ZNF493: variants seen among roughly 807,000 people sequenced by gnomAD.
The protein encoded by ZNF493 is zinc finger protein 493.
Under a neutral mutation model 12.2 loss-of-function variants are expected in ZNF493, and 11 were observed. The ratio of observed to expected loss-of-function variants is 0.90; its 90% CI spans 0.57 to 1.50. ZNF493 has a LOEUF of 1.50. Among genes scored for constraint, ZNF493 ranks in the 40% most tolerant of loss-of-function variants. The pLI is 0.00. For synonymous variants in ZNF493, 286 were observed against 302.6 expected, an observed-to-expected ratio of 0.95 and a Z score of 0.57; for missense variants, 950 against 906.6, an observed-to-expected ratio of 1.05 and a Z score of -0.61.
At chr19:21,399,606 A>C (rs1202877893) in intron 1 of ZNF493, among the ~76,000 whole-genome samples, 1 of 152,248 alleles carries the variant, frequency 6.6e-6, no homozygotes, top group African/African-American at 2.4e-5. Context: ...CAAAGGGCAT[A>C]AAAGATTTGG....
At chr19:21,416,364 TC>T (rs772831280) in intron 3 of ZNF493, among the ~76,000 whole-genome samples, 39 of 152,304 alleles carry the variant, frequency 2.6e-4, no homozygotes, top group Non-Finnish European at 4.7e-4. Context: ...ATAAATCTCT[TC>T]CCCATAAATT....
At chr19:21,417,343 G>A (rs2145297213) in intron 3 of ZNF493, among the ~76,000 whole-genome samples, 2 of 152,244 alleles carry the variant, frequency 1.3e-5, no homozygotes, top group South Asian at 4.1e-4. Flanking sequence ...TGCTAGCAGA[G>A]TAGCCTTACG....
intron 3 of ZNF493, among the ~76,000 whole-genome samples, chr19:21,416,681 C>T (rs2030504597): frequency 2.0e-5 from 3 of 152,088 alleles, no homozygotes; most frequent in Non-Finnish European, 4.4e-5. Flanking sequence ...CTTCCAAATC[C>T]TCCTGTTCGT....
At chr19:21,409,259 T>G (rs781767192) in intron 3 of ZNF493, among the ~76,000 whole-genome samples, 1 of 152,194 alleles carries the variant, frequency 6.6e-6, no homozygotes, top group African/African-American at 2.4e-5. Context: ...TGTAAATATT[T>G]TCACCATTTC....
chr19:21,425,539 G>A lies in ZNF493; in HGVS notation c.*555G>A. 1.8e-6 allele frequency: 1 copy of A among 554,174 alleles called. No individual in the cohort carries two copies. Among genetic ancestry groups the A allele is most frequent in the Non-Finnish European group, 3.5e-6 (1 of 286,848 alleles). 34.3% of individuals were successfully genotyped at this position (554,174 alleles called of 1,614,324 possible). Reference sequence around the variant, plus strand: ...AAAACCTACAAATGTGAGGAATGTGGCAAAGCCTTTAGCCTGTCCCTCCAA... The same window carrying A: ...AAAACCTACAAATGTGAGGAATGTGACAAAGCCTTTAGCCTGTCCCTCCAA... On this transcript the variant is annotated 3_prime_UTR_variant, in exon 4 of 4. Transcript: ENST00000392288.
intron 3 of ZNF493, among the ~76,000 whole-genome samples, chr19:21,410,060 G>GTGTATATATATATATATA (rs1491483385): frequency 1.4e-4 from 6 of 43,958 alleles, no homozygotes; most frequent in African/African-American, 4.0e-4. Context: ...TTCATTGTGT[G>GTGTATATATATATATATA]TATATATATA....
intron 1 of ZNF493, among the ~76,000 whole-genome samples, chr19:21,404,342 A>T (rs868793142): frequency 2.6e-5 from 4 of 152,256 alleles, no homozygotes; most frequent in Admixed American, 2.6e-4. Flanking sequence ...GTGCATCAGC[A>T]CATCATAAAC....
chr19:21,410,203 C>CTTCT (rs942594268), intron 3 of ZNF493, among the ~76,000 whole-genome samples: 4 of 151,564 alleles, frequency 2.6e-5, no homozygotes, highest in African/African-American at 9.7e-5. Flanking sequence ...TCTTCCAGGT[C>CTTCT]TTCTGTTGCA....
intron 3 of ZNF493, among the ~76,000 whole-genome samples, chr19:21,409,831 A>G (rs2030262373): frequency 6.6e-6 from 1 of 152,122 alleles, no homozygotes; most frequent in Non-Finnish European, 1.5e-5. Flanking sequence ...TTGTGAAACT[A>G]AAACCCAGTA....
intron 3 of ZNF493, chr19:21,408,055 A>G (rs1480480800): frequency 6.1e-6 from 6 of 982,874 alleles, no homozygotes; most frequent in Non-Finnish European, 7.2e-6. Context: ...TGCTGGTTCT[A>G]CATTAGGGTC....
intron 3 of ZNF493, 73 bp downstream of exon 3, chr19:21,405,929 AG>A (rs1290939123): frequency 1.9e-6 from 2 of 1,062,048 alleles, no homozygotes; most frequent in Non-Finnish European, 2.6e-6. Context: ...AAAAAAAAAA[AG>A]CCAGTCCTGG....
At chr19:21,415,688 A>G (rs1373828724) in intron 3 of ZNF493, among the ~76,000 whole-genome samples, 2 of 152,202 alleles carry the variant, frequency 1.3e-5, no homozygotes, top group Non-Finnish European at 2.9e-5. Context: ...CTACATATGT[A>G]TGGCAAATTG....
chr19:21,418,146 G>C (rs1235359961), intron 3 of ZNF493, among the ~76,000 whole-genome samples: 1 of 152,156 alleles, frequency 6.6e-6, no homozygotes, highest in East Asian at 1.9e-4. Flanking sequence ...TTTTCACCCA[G>C]TGTCCTCTGG....
rs757920585 is a variant in ZNF493, at chr19:21,407,720, A to G, written c.253+1864A>G. 1.0e-5 allele frequency: 10 copies of G among 978,676 alleles called. No individual in the cohort carries two copies. In the South Asian group the frequency reaches 1.4e-4, roughly 14 times the overall value. The allele number at this position is 978,676 out of a possible 1,614,324, so 60.6% of individuals were successfully genotyped here. A position where few individuals can be genotyped will look rare whatever the true frequency, so the allele number is the denominator to read the frequency against. On this transcript the variant is annotated intron_variant, in intron 3 of 3. Coordinates refer to ENST00000392288, the MANE Select transcript of ZNF493 (RefSeq NM_001076678.3). Reference sequence around the variant, plus strand: ...GTATTATTAGTTTAGACAAATTTCAATGTACTGTGGTTTTTTATGTGTAAG... The same window carrying G: ...GTATTATTAGTTTAGACAAATTTCAGTGTACTGTGGTTTTTTATGTGTAAG...
chr19:21,410,060 G>GTATATATATATATATA (rs60038018), intron 3 of ZNF493, among the ~76,000 whole-genome samples: 7 of 43,952 alleles, frequency 1.6e-4, no homozygotes, highest in African/African-American at 4.6e-4. Context: ...TTCATTGTGT[G>GTATATATATATATATA]TATATATATA....
chr19:21,406,146 C>T (rs1310708885), intron 3 of ZNF493, among the ~76,000 whole-genome samples: 2 of 151,834 alleles, frequency 1.3e-5, no homozygotes, highest in Non-Finnish European at 2.9e-5. Context: ...TGCTTGAAAC[C>T]GGGAGGCAGA....
At position 21,410,060 on chromosome 19, in the gene ZNF493, GTATATATA is replaced by G. The variant is rs60038018; in HGVS notation, c.253+4228_253+4235del. On this transcript the variant is annotated intron_variant, in intron 3 of 3. Transcript: ENST00000392288. ...AAGACTGAATAATATTTCATTGTGT[GTATATATA>G]TATATATATATATATATATATATGC... 1.9e-3 allele frequency among the ~76,000 whole-genome samples: 85 copies of G among 43,952 alleles called. 1 individual carries two copies. The highest frequency in any genetic ancestry group is 4.2e-3 in the East Asian group (11 of 2,644). The allele number at this position is 43,952 out of a possible 152,430, so 28.8% of individuals were successfully genotyped here. A position where few individuals can be genotyped will look rare whatever the true frequency, so the allele number is the denominator to read the frequency against.
intron 1 of ZNF493, among the ~76,000 whole-genome samples, chr19:21,399,543 T>A (rs193203653): frequency 6.6e-6 from 1 of 152,344 alleles, no homozygotes; most frequent in Admixed American, 6.5e-5. Context: ...CTCAGTTTTT[T>A]AGCTGTAAAT....
Position 21,405,863 on chromosome 19 carries a change from G to A in ZNF493, c.253+7G>A. On this transcript the variant is annotated splice_region_variant and intron_variant, in intron 3 of 3. Coordinates refer to ENST00000392288, the MANE Select transcript of ZNF493 (RefSeq NM_001076678.3). ...ACGGTAGTCAAACCCCCAGGTAGGT[G>A]AGAGTGAATGAAACAGTTGACATAG... 8.2e-7 allele frequency: 1 copy of A among 1,212,530 alleles called. No homozygotes were observed. The highest frequency in any genetic ancestry group is 1.1e-6 in the Non-Finnish European group (1 of 885,386). The allele number at this position is 1,212,530 out of a possible 1,614,324, so 75.1% of individuals were successfully genotyped here.
Sources: gnomAD v4.1 joint callset for allele counts (sites outside exome capture counted in the v4.1 genomes callset) on GRCh38, gnomAD v4.1.1 for gene constraint, MANE v1.5 for transcripts, NCBI Gene and HGNC (gene_info 2026-07-23, HGNC 2026-07-21) for gene names.